The following ARHGAP12 variants were observed in gnomAD, a reference collection of about 807,000 sequenced individuals.
The protein encoded by ARHGAP12 is rho GTPase-activating protein 12.
ARHGAP12 carries 64 observed loss-of-function variants against 108.6 expected under a neutral mutation model. The ratio of observed to expected loss-of-function variants is 0.59; its 90% CI spans 0.48 to 0.73. The LOEUF is 0.73. Ranked by LOEUF, ARHGAP12 falls within the 30% of genes least tolerant of loss-of-function variation. The pLI is 0.00. For missense variants in ARHGAP12, 940 were observed against 1,005.9 expected, an observed-to-expected ratio of 0.93 and a Z score of 0.89; for synonymous variants, 312 against 337.2, an observed-to-expected ratio of 0.93 and a Z score of 0.82.
chr10:31,808,622 C>CGTGCT, intron 19 of ARHGAP12, 27 bp downstream of exon 19: 1 of 1,604,810 alleles, frequency 6.2e-7, no homozygotes, highest in Non-Finnish European at 8.5e-7. Flanking sequence ...TGCTATACCA[C>CGTGCT]ATCCCATGAC....
intron 4 of ARHGAP12, among the ~76,000 whole-genome samples, chr10:31,857,753 T>C (rs1303445259): frequency 2.0e-5 from 3 of 152,138 alleles, no homozygotes; most frequent in Non-Finnish European, 2.9e-5. Flanking sequence ...AGCCGGAAAA[T>C]ATGAGAATAA....
intron 4 of ARHGAP12, among the ~76,000 whole-genome samples, chr10:31,860,142 A>C (rs1837060639): frequency 6.6e-6 from 1 of 152,224 alleles, no homozygotes. Context: ...AACACTAAAA[A>C]CACAAATTAT....
intron 4 of ARHGAP12, among the ~76,000 whole-genome samples, chr10:31,857,238 G>A (rs1030511153): frequency 2.6e-5 from 4 of 152,076 alleles, no homozygotes; most frequent in Non-Finnish European, 4.4e-5. Flanking sequence ...GGCATATAAT[G>A]TTCACTTTAC....
chr10:31,832,198 G>T (rs1215595248), intron 9 of ARHGAP12, among the ~76,000 whole-genome samples: 1 of 152,106 alleles, frequency 6.6e-6, no homozygotes, highest in Non-Finnish European at 1.5e-5. Context: ...TATATAATCT[G>T]AAAATTATTC....
chr10:31,823,178 A>G (rs921009083), intron 11 of ARHGAP12, among the ~76,000 whole-genome samples: 1 of 152,172 alleles, frequency 6.6e-6, no homozygotes, highest in African/African-American at 2.4e-5. Flanking sequence ...TTCTAAACCC[A>G]AAGCTTAACA....
chr10:31,812,913 C>T (rs1263910905), intron 14 of ARHGAP12, 90 bp from the exon 15 acceptor site: 1 of 651,790 alleles, frequency 1.5e-6, no homozygotes, highest in Non-Finnish European at 2.6e-6. Context: ...ACACATTAAC[C>T]TCATATGTCA....
chr10:31,922,557 CCATGCCCTT>C (rs961600643), intron 1 of ARHGAP12, among the ~76,000 whole-genome samples: 1 of 151,918 alleles, frequency 6.6e-6, no homozygotes, highest in Admixed American at 6.6e-5. Flanking sequence ...GTGCATGCTA[CCATGCCCTT>C]CTAACAAATT....
chr10:31,873,051 C>T lies in ARHGAP12; in HGVS notation c.685-11393G>A, dbSNP rs192225870. ...TCATGGGCTTCCTGTGCATCTAGAG[C>T]ATCAGTATCTAACAGAAATATAACA... On this transcript the variant is annotated intron_variant, in intron 3 of 19. Coordinates refer to ENST00000344936, the MANE Select transcript of ARHGAP12 (RefSeq NM_018287.7). 1.1e-3 allele frequency among the ~76,000 whole-genome samples: 172 copies of T among 152,174 alleles called. 3 individuals are homozygous for T. Among genetic ancestry groups the T allele is most frequent in the African/African-American group, 4.0e-3 (164 of 41,514 alleles).
intron 1 of ARHGAP12, among the ~76,000 whole-genome samples, chr10:31,916,277 C>G (rs2132479436): frequency 6.6e-6 from 1 of 152,296 alleles, no homozygotes; most frequent in African/African-American, 2.4e-5. Flanking sequence ...AACGCCCATA[C>G]AAGCTTTTCA....
chr10:31,881,304 C>T (rs1177586007), intron 3 of ARHGAP12, among the ~76,000 whole-genome samples: 1 of 151,840 alleles, frequency 6.6e-6, no homozygotes, highest in African/African-American at 2.4e-5. Context: ...TAACATTATA[C>T]TCACAGGCTG....
At chr10:31,837,319 G>C (rs1447454961) in intron 9 of ARHGAP12, among the ~76,000 whole-genome samples, 1 of 152,142 alleles carries the variant, frequency 6.6e-6, no homozygotes, top group East Asian at 1.9e-4. Flanking sequence ...CCAAAATAAT[G>C]TTCACTTTTA....
At chr10:31,892,850 G>A (rs2132407007) in intron 3 of ARHGAP12, among the ~76,000 whole-genome samples, 1 of 152,294 alleles carries the variant, frequency 6.6e-6, no homozygotes, top group East Asian at 1.9e-4. Flanking sequence ...ATAGTTGGAA[G>A]TAAAGCACTC....
intron 4 of ARHGAP12, among the ~76,000 whole-genome samples, chr10:31,855,898 G>C (rs1329377037): frequency 2.0e-5 from 3 of 152,100 alleles, no homozygotes; most frequent in African/African-American, 4.8e-5. Context: ...TTTAAGATCT[G>C]GATATCTTCC....
intron 7 of ARHGAP12, among the ~76,000 whole-genome samples, chr10:31,841,476 G>T (rs1165124149): frequency 1.3e-5 from 2 of 152,110 alleles, no homozygotes; most frequent in South Asian, 4.1e-4. Flanking sequence ...TATTCAATAT[G>T]ACACTCTCTC....
rs1340870668 is a variant in ARHGAP12 at position 31,807,831 on chromosome 10, C to T, written c.2368G>A (p.Val790Ile). 2 of 1,503,114 alleles carry T rather than the reference C, an allele frequency of 1.3e-6. No individual in the cohort carries two copies. The highest frequency in any genetic ancestry group is 4.8e-5 in the East Asian group (2 of 41,974). 93.1% of individuals were successfully genotyped at this position (1,503,114 alleles called of 1,614,324 possible). Reference sequence around the variant, plus strand: ...CGATTTTTCTCTCCATTTTCTATAACTCTGAAGGGAAAAAAAGAAGTTGTT... The same window carrying T: ...CGATTTTTCTCTCCATTTTCTATAATTCTGAAGGGAAAAAAAGAAGTTGTT... ...MQILFRHLRR[V>I]IENGEKNRMT... Residue 790 changes from valine to isoleucine, a missense_variant and splice_region_variant, in exon 20 of 20, where the codon GTT becomes ATT. Coordinates refer to ENST00000344936, the MANE Select transcript of ARHGAP12 (RefSeq NM_018287.7).
At chr10:31,926,862 T>C (rs1208159999) in intron 1 of ARHGAP12, among the ~76,000 whole-genome samples, 3 of 152,138 alleles carry the variant, frequency 2.0e-5, no homozygotes, top group African/African-American at 4.8e-5. Flanking sequence ...TATTAGCAAA[T>C]ATAAAACCGA....
chr10:31,814,250 ACAACTTACAACGAAGCT>A lies in ARHGAP12; in HGVS notation c.1826_1834+8del. On this transcript the variant is annotated splice_donor_variant and splice_donor_5th_base_variant and coding_sequence_variant and intron_variant, in exon 14 of 20. Coordinates refer to ENST00000344936, the MANE Select transcript of ARHGAP12 (RefSeq NM_018287.7). LOFTEE classifies it high-confidence loss of function. Reference sequence around the variant, plus strand: ...AAATCCTTAGCAAAATAGGGAAAGGACAACTTACAACGAAGCTTTTTGGGATCCTTTTGTTCCTTTTC... The same window carrying A: ...AAATCCTTAGCAAAATAGGGAAAGGATTTTGGGATCCTTTTGTTCCTTTTC... 6.2e-7 allele frequency: 1 copy of A among 1,609,130 alleles called. No homozygotes were observed. Among genetic ancestry groups the A allele is most frequent in the South Asian group, 1.1e-5 (1 of 90,924 alleles).
intron 1 of ARHGAP12, among the ~76,000 whole-genome samples, chr10:31,927,425 A>C (rs907145044): frequency 6.6e-6 from 1 of 152,162 alleles, no homozygotes; most frequent in Non-Finnish European, 1.5e-5. Flanking sequence ...CTTCCATTGA[A>C]ACACCCGGAG....
intron 3 of ARHGAP12, among the ~76,000 whole-genome samples, chr10:31,890,618 G>A (rs1362166262): frequency 6.6e-6 from 1 of 152,164 alleles, no homozygotes; most frequent in East Asian, 1.9e-4. Context: ...GGTTCCAGGA[G>A]TGTGGCAAGA....
Sources: gnomAD v4.1 joint callset for allele counts (sites outside exome capture counted in the v4.1 genomes callset) on GRCh38, gnomAD v4.1.1 for gene constraint, MANE v1.5 for transcripts, NCBI Gene and HGNC (gene_info 2026-07-23, HGNC 2026-07-21) for gene names.